The following ACOXL variants were observed in gnomAD, a reference collection of about 807,000 sequenced individuals.
ACOXL encodes the protein acyl-CoA oxidase like, also known as acyl-coenzyme A oxidase-like protein.
Under a neutral mutation model 71.9 loss-of-function variants are expected in ACOXL, and 70 were observed. The observed-to-expected ratio is 0.97, with a 90% CI of 0.80 to 1.19. The LOEUF is 1.19. Among genes scored for constraint, ACOXL ranks in the 50% most tolerant of loss-of-function variants. The pLI is 0.00. For missense variants in ACOXL, 703 were observed against 736.3 expected (o/e 0.95, Z 0.52); for synonymous variants, 253 against 281.6 (o/e 0.90, Z 1.02).
chr2:110,981,348 A>G (rs892674208), intron 12 of ACOXL, among the ~76,000 whole-genome samples: 4 of 152,076 alleles, frequency 2.6e-5, no homozygotes, highest in African/African-American at 7.2e-5. Flanking sequence ...ACAGAGTGAA[A>G]CTCCATCTGA....
chr2:111,049,276 T>G lies in ACOXL; in HGVS notation c.1428T>G (p.Thr476=). ...VKSCPDQEDQ[T]LLMKFCLLYG... Reference sequence around the variant, plus strand: ...GCTGTCCTGACCAAGAGGACCAGACTTTGTTAATGAAGGTAGGTTATCAGA... The same window carrying G: ...GCTGTCCTGACCAAGAGGACCAGACGTTGTTAATGAAGGTAGGTTATCAGA... The change falls in exon 16 of 18, where the codon ACT becomes ACG. Residue 476 remains threonine (T), a synonymous_variant. Transcript: ENST00000439055. The G allele has an allele frequency of 6.2e-7, 1 of 1,610,032 alleles. No homozygotes were observed.
intron 10 of ACOXL, among the ~76,000 whole-genome samples, chr2:110,878,752 G>A (rs377245150): frequency 4.0e-5 from 6 of 151,852 alleles, no homozygotes; most frequent in African/African-American, 1.5e-4. Flanking sequence ...GCAACAGAGC[G>A]AGACTCCATC....
intron 14 of ACOXL, among the ~76,000 whole-genome samples, chr2:111,020,448 T>G (rs1423417077): frequency 6.6e-6 from 1 of 152,178 alleles, no homozygotes; most frequent in Non-Finnish European, 1.5e-5. Context: ...CTTACATTCT[T>G]GAAACCAGGA....
At chr2:110,773,323 CG>C (rs1682201641) in intron 2 of ACOXL, among the ~76,000 whole-genome samples, 1 of 152,056 alleles carries the variant, frequency 6.6e-6, no homozygotes, top group Admixed American at 6.5e-5. Context: ...TTGGGAATGC[CG>C]GGGAGGGTGG....
chr2:110,758,066 A>G (rs909668265), intron 1 of ACOXL, among the ~76,000 whole-genome samples: 5 of 152,058 alleles, frequency 3.3e-5, no homozygotes, highest in East Asian at 1.9e-4. Flanking sequence ...GTTAATTTTT[A>G]TATATGGTGT....
chr2:110,837,905 G>C (rs988126216), intron 9 of ACOXL, among the ~76,000 whole-genome samples: 3 of 152,306 alleles, frequency 2.0e-5, no homozygotes, highest in Middle Eastern at 6.8e-3. Flanking sequence ...TCTGACCTCC[G>C]TGTCCCAGGA....
intron 11 of ACOXL, among the ~76,000 whole-genome samples, chr2:110,912,836 G>C (rs1329993744): frequency 6.6e-6 from 1 of 152,088 alleles, no homozygotes. Flanking sequence ...ATAGGAGAAA[G>C]TATTTTCAAA....
chr2:110,786,076 C>T (rs1324799868), intron 3 of ACOXL, among the ~76,000 whole-genome samples: 3 of 152,214 alleles, frequency 2.0e-5, no homozygotes, highest in Non-Finnish European at 1.5e-5. Context: ...TGCAGCCACT[C>T]GTGCTGCCCA....
chr2:111,067,865 C>A (rs1383558293), intron 16 of ACOXL, among the ~76,000 whole-genome samples: 2 of 152,162 alleles, frequency 1.3e-5, no homozygotes, highest in Admixed American at 6.5e-5. Context: ...TCAGGGAGCT[C>A]TCTGTGAATT....
intron 11 of ACOXL, among the ~76,000 whole-genome samples, chr2:110,921,707 C>G (rs910085224): frequency 6.6e-6 from 1 of 152,110 alleles, no homozygotes; most frequent in Non-Finnish European, 1.5e-5. Context: ...ACCCCCCTCT[C>G]TTAAGGTGAA....
chr2:111,086,776 C>T (rs944805512), intron 16 of ACOXL, among the ~76,000 whole-genome samples: 1 of 152,144 alleles, frequency 6.6e-6, no homozygotes, highest in African/African-American at 2.4e-5. Context: ...CTCACTACCT[C>T]TGCTTAACAT....
chr2:110,938,730 A>AAT (rs1558759050), intron 12 of ACOXL, among the ~76,000 whole-genome samples: 14 of 152,070 alleles, frequency 9.2e-5, no homozygotes, highest in African/African-American at 3.4e-4. Context: ...AATGAATGAA[A>AAT]GAATGTCCTG....
intron 9 of ACOXL, among the ~76,000 whole-genome samples, chr2:110,825,990 T>C (rs1357379733): frequency 1.3e-5 from 2 of 151,984 alleles, no homozygotes; most frequent in Non-Finnish European, 2.9e-5. Flanking sequence ...TGCACCAGAG[T>C]GATCAGCTGA....
intron 16 of ACOXL, among the ~76,000 whole-genome samples, chr2:111,085,848 T>C (rs895870133): frequency 2.0e-5 from 3 of 151,228 alleles, no homozygotes; most frequent in African/African-American, 7.3e-5. Context: ...AGAGAGAAAG[T>C]CCAAATAAAC....
chr2:110,886,945 C>G, intron 10 of ACOXL: 2 of 1,425,920 alleles, frequency 1.4e-6, no homozygotes, highest in Non-Finnish European at 1.9e-6. Context: ...TGGCAGATCC[C>G]TATAGGCTTC....
intron 15 of ACOXL, among the ~76,000 whole-genome samples, chr2:111,036,318 T>G (rs966058968): frequency 2.0e-5 from 3 of 151,566 alleles, no homozygotes; most frequent in Admixed American, 2.0e-4. Flanking sequence ...CCCACACAAG[T>G]GGCCTGAGGG....
chr2:110,951,048 G>C (rs2149407338), intron 12 of ACOXL, among the ~76,000 whole-genome samples: 1 of 152,244 alleles, frequency 6.6e-6, no homozygotes, highest in Non-Finnish European at 1.5e-5. Flanking sequence ...GTGTTTCTCA[G>C]ATCAAATGCT....
At chr2:110,963,189 G>A (rs764996063) in intron 12 of ACOXL, among the ~76,000 whole-genome samples, 9 of 152,166 alleles carry the variant, frequency 5.9e-5, no homozygotes, top group Admixed American at 3.9e-4. Context: ...GCTGCCTCCC[G>A]AGGAGTTTTG....
At chr2:110,779,529 A>C (rs1187989139) in intron 2 of ACOXL, among the ~76,000 whole-genome samples, 1 of 152,244 alleles carries the variant, frequency 6.6e-6, no homozygotes, top group Admixed American at 6.5e-5. Context: ...AAACAATTCT[A>C]AAAAAGGACA....
Sources: gnomAD v4.1 joint callset for allele counts (sites outside exome capture counted in the v4.1 genomes callset) on GRCh38, gnomAD v4.1.1 for gene constraint, MANE v1.5 for transcripts, NCBI Gene and HGNC (gene_info 2026-07-23, HGNC 2026-07-21) for gene names.